DCHS1: variants seen among roughly 807,000 people sequenced by gnomAD.
DCHS1 encodes the protein protocadherin-16.
Under a neutral mutation model 213.9 loss-of-function variants are expected in DCHS1, and 78 were observed. The ratio of observed to expected loss-of-function variants is 0.36; its 90% CI spans 0.30 to 0.44. The LOEUF is 0.44. Among genes scored for constraint, DCHS1 ranks in the 20% least tolerant of loss-of-function variants. The pLI, the probability that DCHS1 is intolerant of heterozygous loss-of-function variation, is 1.00. For synonymous variants in DCHS1, 1,828 were observed against 1,873.7 expected, an observed-to-expected ratio of 0.98 and a Z score of 0.63; for missense variants, 3,946 against 4,395.9, an observed-to-expected ratio of 0.90 and a Z score of 2.89.
chr11:6,628,989 TAC>T lies in DCHS1; in HGVS notation c.5162-161_5162-160del, dbSNP rs1375723807. On this transcript the variant is annotated intron_variant, in intron 12 of 20. Transcript: ENST00000299441. The surrounding 1 kb of genome is among the most constrained non-coding windows in gnomAD (Gnocchi z 4.3). ...CACATGTGTCATGCATACATAAACATACATGTGTCCTACCTCCCATGCTTGGT... is the reference window on the plus strand; with the variant it reads ...CACATGTGTCATGCATACATAAACATATGTGTCCTACCTCCCATGCTTGGT... Among the ~76,000 whole-genome samples the T allele has an allele frequency of 6.6e-6, 1 of 152,190 alleles. No individual in the cohort carries two copies. Among genetic ancestry groups the T allele is most frequent in the Non-Finnish European group, 1.5e-5 (1 of 68,032 alleles).
chr11:6,628,582 A>C lies in DCHS1; in HGVS notation c.5371+39T>G. 1 of 1,609,400 alleles carries C rather than the reference A, an allele frequency of 6.2e-7. No homozygotes were observed. Among genetic ancestry groups the C allele is most frequent in the Admixed American group, 1.7e-5 (1 of 59,986 alleles). ...GCCAAGAAGGAGCAAGAACCAGGCA[A>C]GTGGGTGCTGAATTAAGTGGGAGTG... On this transcript the variant is annotated intron_variant, in intron 13 of 20. Coordinates refer to ENST00000299441, the MANE Select transcript of DCHS1 (RefSeq NM_003737.4). The surrounding 1 kb of genome is among the most constrained non-coding windows in gnomAD (Gnocchi z 4.3).
At chr11:6,629,612 T>C in intron 11 of DCHS1, 35 bp from the exon 12 acceptor site, 1 of 1,612,932 alleles carries the variant, frequency 6.2e-7, no homozygotes, top group Non-Finnish European at 8.5e-7. Flanking sequence ...GATCAGAGGG[T>C]AAAAATGCTG....
chr11:6,647,686 A>T (rs1564871580), intron 1 of DCHS1, among the ~76,000 whole-genome samples: 1 of 152,222 alleles, frequency 6.6e-6, no homozygotes, highest in Non-Finnish European at 1.5e-5. Context: ...ACTCAGAGTG[A>T]AACAATTTTC....
At chr11:6,636,131 C>G (rs1259338798) in intron 2 of DCHS1, among the ~76,000 whole-genome samples, 1 of 152,218 alleles carries the variant, frequency 6.6e-6, no homozygotes, top group Non-Finnish European at 1.5e-5. Context: ...TCTTACTAGC[C>G]TCGAAACTTA....
chr11:6,655,573 C>A lies in DCHS1; in HGVS notation c.-131G>T. On this transcript the variant is annotated 5_prime_UTR_variant, in exon 1 of 21. Transcript: ENST00000299441. Reference sequence around the variant, plus strand: ...GGCGCGGGCACTGACCTCCGCGCGACGCGGGCTCCCTCGCCCGGTGCTGGG... The same window carrying A: ...GGCGCGGGCACTGACCTCCGCGCGAAGCGGGCTCCCTCGCCCGGTGCTGGG... 2 of 980,524 alleles carry A rather than the reference C, an allele frequency of 2.0e-6. No individual in the cohort carries two copies. Among genetic ancestry groups the A allele is most frequent in the Non-Finnish European group, 2.4e-6 (2 of 828,088 alleles). 60.7% of individuals were successfully genotyped at this position (980,524 alleles called of 1,614,324 possible). A position where few individuals can be genotyped will look rare whatever the true frequency, so the allele number is the denominator to read the frequency against.
rs773666831 is a variant in DCHS1 at position 6,623,950 on chromosome 11, C to T, written c.7726G>A (p.Asp2576Asn). ...GAGCTTTGGGGTGGCTGCCCACGGT[C>T]AGCTGCAGCCACTGTTAGATTGTAC... ...TQYNLTVAAADRGQPPQSSVV... is the reference protein window; with the variant it reads ...TQYNLTVAAANRGQPPQSSVV... The change falls in exon 21 of 21, where the codon GAC (aspartate) becomes AAC (asparagine). Residue 2576 changes from aspartate (D) to asparagine (N), a missense_variant. Asp to Asn is a conservative substitution (Grantham distance 23, BLOSUM62 1). This residue lies in a region of DCHS1 where 3,384 missense variants were observed against 3,780.1 expected (regional missense o/e 0.90). Transcript: ENST00000299441. 1 of 1,606,544 alleles carries T rather than the reference C, an allele frequency of 6.2e-7. No homozygotes were observed. The highest frequency in any genetic ancestry group is 8.5e-7 in the Non-Finnish European group (1 of 1,174,564).
At chr11:6,643,318 C>G (rs1004429389) in intron 1 of DCHS1, among the ~76,000 whole-genome samples, 1 of 152,136 alleles carries the variant, frequency 6.6e-6, no homozygotes, top group Non-Finnish European at 1.5e-5. Context: ...TCATTTCCCC[C>G]ATTTTCTCAC....
chr11:6,628,590 C>CA lies in DCHS1; in HGVS notation c.5371+30_5371+31insT, dbSNP rs1855848792. ...GGAGCAAGAACCAGGCAAGTGGGTGCTGAATTAAGTGGGAGTGGGAAGGTT... is the reference window on the plus strand; with the variant it reads ...GGAGCAAGAACCAGGCAAGTGGGTGCATGAATTAAGTGGGAGTGGGAAGGTT... On this transcript the variant is annotated intron_variant, in intron 13 of 20. Transcript: ENST00000299441. The surrounding 1 kb of genome is among the most constrained non-coding windows in gnomAD (Gnocchi z 4.3). 1.2e-6 allele frequency: 2 copies of CA among 1,611,612 alleles called. No individual in the cohort carries two copies. Among genetic ancestry groups the CA allele is most frequent in the Non-Finnish European group, 1.7e-6 (2 of 1,178,286 alleles).
At position 6,628,710 on chromosome 11, in the gene DCHS1, G is replaced by A. The variant is rs1043184748; in HGVS notation, c.5282C>T (p.Pro1761Leu). Reference protein sequence around the residue: ...FGSAHLSLEVPEGQDPQTLTM... With the variant: ...FGSAHLSLEVLEGQDPQTLTM... ...AAGGGTCTGGGGGTCCTGGCCCTCA[G>A]GCACCTCCAGAGAGAGATGGGCACT... Residue 1761 changes from proline (P) to leucine (L), a missense_variant, in exon 13 of 21, where the codon CCT (proline) becomes CTT (leucine). Coordinates refer to ENST00000299441, the MANE Select transcript of DCHS1 (RefSeq NM_003737.4). The surrounding 1 kb of genome is among the most constrained non-coding windows in gnomAD (Gnocchi z 4.3). 1 of 1,613,930 alleles carries A rather than the reference G, an allele frequency of 6.2e-7. No homozygotes were observed. The highest frequency in any genetic ancestry group is 2.2e-5 in the East Asian group (1 of 44,896).
Position 6,631,377 on chromosome 11 carries a change from C to T in DCHS1, c.3706G>A (p.Val1236Met). The T allele has an allele frequency of 6.2e-7, 1 of 1,614,008 alleles. No homozygotes were observed. The highest frequency in any genetic ancestry group is 8.5e-7 in the Non-Finnish European group (1 of 1,179,878). Residue 1236 changes from valine to methionine, a missense_variant, in exon 8 of 21, where the codon GTG (valine) becomes ATG (methionine). Around this residue, in one of 3 missense-constraint regions of DCHS1, gnomAD observed 3,384 missense variants for 3,780.1 expected, o/e 0.90. Coordinates refer to ENST00000299441, the MANE Select transcript of DCHS1 (RefSeq NM_003737.4). ...GGATCCTTCGCCTGCAGAGTCGTCACCAGTGTTCCCGGAGGCACGCGGTCT... is the reference window on the plus strand; with the variant it reads ...GGATCCTTCGCCTGCAGAGTCGTCATCAGTGTTCCCGGAGGCACGCGGTCT... ...VPDRVPPGTL[V>M]TTLQAKDPDE...
At chr11:6,624,610 A>T (rs1385788406) in intron 20 of DCHS1, 120 bp downstream of exon 20, 1 of 1,477,290 alleles carries the variant, frequency 6.8e-7, no homozygotes, top group South Asian at 1.3e-5. Context: ...AGGGGAGGAA[A>T]TGTCCTCCCT....
In DCHS1 at chr11:6,621,928, T is replaced by G. The variant is rs368150563; in HGVS notation, c.9748A>C (p.Met3250Leu). 1 of 1,613,308 alleles carries G rather than the reference T, an allele frequency of 6.2e-7. No individual in the cohort carries two copies. Among genetic ancestry groups the G allele is most frequent in the Admixed American group, 1.7e-5 (1 of 59,956 alleles). The change falls in exon 21 of 21, where the codon ATG (methionine) becomes CTG (leucine). Residue 3250 changes from methionine to leucine, a missense_variant. Physicochemically the swap from Met to Leu is conservative, Grantham distance 15 (BLOSUM62 2). Coordinates refer to ENST00000299441, the MANE Select transcript of DCHS1 (RefSeq NM_003737.4). ...AGAGAGGGTGAGAAGCTGGGGGACA[T>G]GGCAGCTGAGGACAGGGAGCCTTCA... ...SHEGSLSSAA[M>L]SPSFSPSLSP... is the part of the protein sequence containing the mutation.
intron 1 of DCHS1, among the ~76,000 whole-genome samples, chr11:6,651,478 AT>A (rs970942693): frequency 6.6e-6 from 1 of 152,184 alleles, no homozygotes; most frequent in Non-Finnish European, 1.5e-5. Flanking sequence ...AAAAGAAAAG[AT>A]TTTGTTCAAG....
Position 6,629,705 on chromosome 11 carries a change from G to A in DCHS1, c.5002C>T (p.Leu1668=), listed in dbSNP as rs1428526282. The A allele has an allele frequency of 6.2e-7, 1 of 1,613,872 alleles. No homozygotes were observed. Among genetic ancestry groups the A allele is most frequent in the East Asian group, 2.2e-5 (1 of 44,884 alleles). ...GGGTCGGTTGCTCGCAGGGTGAGCAGAGATGTGCCAGGAGGGTTGTTCTCA... is the reference window on the plus strand; with the variant it reads ...GGGTCGGTTGCTCGCAGGGTGAGCAAAGATGTGCCAGGAGGGTTGTTCTCA... The part of the protein sequence containing the change: ...LRENNPPGTS[L]LTLRATDPDV... Residue 1668 remains leucine (L), a synonymous_variant, in exon 11 of 21, where the codon CTG becomes TTG. Transcript: ENST00000299441.
chr11:6,650,942 G>A (rs949706720), intron 1 of DCHS1, among the ~76,000 whole-genome samples: 1 of 152,220 alleles, frequency 6.6e-6, no homozygotes, highest in Non-Finnish European at 1.5e-5. Context: ...AGCAGAGTAA[G>A]TGAGTAGTGT....
chr11:6,634,159 C>T lies in DCHS1; in HGVS notation c.1945G>A (p.Gly649Arg). 6.2e-7 allele frequency: 1 copy of T among 1,610,542 alleles called. No individual in the cohort carries two copies. The highest frequency in any genetic ancestry group is 8.5e-7 in the Non-Finnish European group (1 of 1,177,526). ...CTTRTLDRDQ[G>R]PSSFDFTVTA... ...ACTGTGAAGTCAAAGCTTGAGGGCC[C>T]CTGGTCACGGTCCAGGGTCCGGGTT... The change falls in exon 3 of 21, where the codon GGG becomes AGG. Residue 649 changes from glycine (G) to arginine (R), a missense_variant. Around this residue, in one of 3 missense-constraint regions of DCHS1, gnomAD observed 3,384 missense variants for 3,780.1 expected, o/e 0.90. Coordinates refer to ENST00000299441, the MANE Select transcript of DCHS1 (RefSeq NM_003737.4).
rs1218813159 is a variant in DCHS1, at chr11:6,625,308, G to A, written c.7036C>T (p.Gln2346Ter). 1 of 1,613,872 alleles carries A rather than the reference G, an allele frequency of 6.2e-7. No individual in the cohort carries two copies. ...PLDFEQCDRY[Q>*]LQLLAHDGPH... ...CCATCATGTGCCAGCAGCTGCAGCT[G>A]GTAGCGGTCACACTGCTCAAAGTCC... is the stretch of plus-strand genomic sequence containing the variant. Residue 2346 changes from glutamine to a stop codon, truncating the protein, a stop_gained, in exon 19 of 21, where the codon CAG becomes TAG. Transcript: ENST00000299441. LOFTEE classifies it high-confidence loss of function. This position sits in a 1 kb window ranked among gnomAD's most constrained non-coding sequence, Gnocchi z 5.3.
At position 6,632,205 on chromosome 11, in the gene DCHS1, G is replaced by A; in HGVS notation, c.3307C>T (p.Pro1103Ser). ...AAGGTGGGATCCTCAGACAAGCGGG[G>A]ACTGTGTTCATTCTGGTTGAGGATG... ...VSILNQNEHSPRLSEDPTFLA... is the reference protein window; with the variant it reads ...VSILNQNEHSSRLSEDPTFLA... The change falls in exon 6 of 21, where the codon CCC (proline) becomes TCC (serine). Residue 1103 changes from proline (P) to serine (S), a missense_variant. Around this residue, in one of 3 missense-constraint regions of DCHS1, gnomAD observed 3,384 missense variants for 3,780.1 expected, o/e 0.90. Transcript: ENST00000299441. This position sits in a 1 kb window ranked among gnomAD's most constrained non-coding sequence, Gnocchi z 5.9. 1 of 1,610,602 alleles carries A rather than the reference G, an allele frequency of 6.2e-7. No homozygotes were observed. Among genetic ancestry groups the A allele is most frequent in the Non-Finnish European group, 8.5e-7 (1 of 1,177,402 alleles).
rs1277886201 is a variant in DCHS1 at position 6,627,707 on chromosome 11, G to A, written c.5372-40C>T. The A allele has an allele frequency of 5.7e-6, 9 of 1,577,622 alleles. No individual in the cohort carries two copies. The highest frequency in any genetic ancestry group is 1.1e-5 in the South Asian group (1 of 87,492). ...ATGCACATATAAATATACATGTGTC[G>A]TGGGGATGGGGGTGATTTACAGACA... is the stretch of plus-strand genomic sequence containing the variant. On this transcript the variant is annotated intron_variant, in intron 13 of 20. Coordinates refer to ENST00000299441, the MANE Select transcript of DCHS1 (RefSeq NM_003737.4). The surrounding 1 kb of genome is among the most constrained non-coding windows in gnomAD (Gnocchi z 5.4).
Sources: gnomAD v4.1 joint callset for allele counts (sites outside exome capture counted in the v4.1 genomes callset) on GRCh38, gnomAD v4.1.1 for gene constraint, gnomAD v4.1.1 regional missense constraint, Gnocchi (gnomAD v3.1) non-coding constraint, MANE v1.5 for transcripts, NCBI Gene and HGNC (gene_info 2026-07-23, HGNC 2026-07-21) for gene names.